The following TCF4 variants were observed in gnomAD, a reference collection of about 807,000 sequenced individuals.
TCF4 encodes the protein SL3-3 enhancer factor 2.
TCF4 carries 3 observed loss-of-function variants against 82.1 expected under a neutral mutation model. The observed-to-expected ratio is 0.04, with a 90% CI of 0.02 to 0.09. The LOEUF (loss-of-function observed/expected upper bound fraction) is 0.09. Ranked by LOEUF, TCF4 falls within the 10% of genes least tolerant of loss-of-function variation. The pLI, the probability that TCF4 is intolerant of heterozygous loss-of-function variation, is 1.00. For missense variants in TCF4, 518 were observed against 852.7 expected, an observed-to-expected ratio of 0.61 and a Z score of 4.89; for synonymous variants, 276 against 309.6, an observed-to-expected ratio of 0.89 and a Z score of 1.14.
intron 2 of TCF4, among the ~76,000 whole-genome samples, chr18:55,626,092 C>G (rs2097726301): frequency 6.6e-6 from 1 of 152,138 alleles, no homozygotes; most frequent in Non-Finnish European, 1.5e-5. Context: ...ATGTGTTGTA[C>G]TATTTTATGG....
intron 8 of TCF4, among the ~76,000 whole-genome samples, chr18:55,333,286 T>C (rs2077953646): frequency 6.6e-6 from 1 of 151,862 alleles, no homozygotes; most frequent in South Asian, 2.1e-4. Context: ...CTATACAGAG[T>C]TGTCTGTAAA....
At chr18:55,307,967 T>C (rs528139079) in intron 8 of TCF4, among the ~76,000 whole-genome samples, 1 of 152,364 alleles carries the variant, frequency 6.6e-6, no homozygotes, top group Non-Finnish European at 1.5e-5. Flanking sequence ...GCTAGCCCAT[T>C]CATCTGTTGC....
chr18:55,349,006 C>T (rs973199907), intron 8 of TCF4, among the ~76,000 whole-genome samples: 1 of 152,130 alleles, frequency 6.6e-6, no homozygotes, highest in Non-Finnish European at 1.5e-5. Context: ...CCACCCCTAA[C>T]TTCAAGCTTA....
chr18:55,319,734 G>C (rs1392484096), intron 8 of TCF4, among the ~76,000 whole-genome samples: 1 of 151,930 alleles, frequency 6.6e-6, no homozygotes, highest in South Asian at 2.1e-4. Flanking sequence ...GGGCATATTA[G>C]TGATATGATG....
rs1054033285 is a variant in TCF4 at position 55,464,126 on chromosome 18, T to C, written c.157A>G (p.Arg53Gly). ...GHFTGSNVED[R>G]SSSGSWGNGG... ...TTCCCCCAGGACCCTGAGCTACTTC[T>C]GTCTTCTACATCTAGGGACAAGAGA... Residue 53 changes from arginine to glycine, a missense_variant, in exon 4 of 20, where the codon AGA (arginine) becomes GGA (glycine). Transcript: ENST00000354452. The C allele has an allele frequency of 6.2e-7, 1 of 1,614,122 alleles. No individual in the cohort carries two copies. The highest frequency in any genetic ancestry group is 8.5e-7 in the Non-Finnish European group (1 of 1,179,946).
At chr18:55,578,083 T>C (rs1301818539) in intron 3 of TCF4, among the ~76,000 whole-genome samples, 1 of 152,146 alleles carries the variant, frequency 6.6e-6, no homozygotes, top group Non-Finnish European at 1.5e-5. Context: ...ATTACAGCCC[T>C]GATATTTAAT....
chr18:55,302,472 G>A (rs1483477792), intron 8 of TCF4: 2 of 1,536,094 alleles, frequency 1.3e-6, no homozygotes, highest in African/African-American at 2.7e-5. Context: ...CATCTGCATT[G>A]TTTAAATTTC....
chr18:55,267,047 T>C (rs1027057926), intron 11 of TCF4: 3 of 152,138 alleles, frequency 2.0e-5, no homozygotes, highest in Non-Finnish European at 2.9e-5. Flanking sequence ...ATCAACACCA[T>C]GTATGAAAAG....
At chr18:55,573,663 A>G (rs2097499258) in intron 3 of TCF4, among the ~76,000 whole-genome samples, 1 of 152,104 alleles carries the variant, frequency 6.6e-6, no homozygotes, top group African/African-American at 2.4e-5. Flanking sequence ...CATCTGTAAG[A>G]CCACAGTTCA....
At chr18:55,336,669 G>A (rs2078708305) in intron 8 of TCF4, among the ~76,000 whole-genome samples, 1 of 152,098 alleles carries the variant, frequency 6.6e-6, no homozygotes, top group East Asian at 1.9e-4. Context: ...ATTATGAATA[G>A]TAAATGATTT....
At chr18:55,494,400 TAG>T (rs2096610112) in intron 3 of TCF4, among the ~76,000 whole-genome samples, 1 of 151,988 alleles carries the variant, frequency 6.6e-6, no homozygotes, top group African/African-American at 2.4e-5. Context: ...CTCAGCTAAA[TAG>T]AGAGTCTTTT....
At chr18:55,441,430 CAGATA>C (rs536459750) in intron 5 of TCF4, among the ~76,000 whole-genome samples, 3 of 152,302 alleles carry the variant, frequency 2.0e-5, no homozygotes, top group Admixed American at 2.0e-4. Context: ...TTAACATACG[CAGATA>C]AATCACATTC....
intron 3 of TCF4, among the ~76,000 whole-genome samples, chr18:55,523,303 A>G (rs2096948769): frequency 6.6e-6 from 1 of 152,074 alleles, no homozygotes; most frequent in Admixed American, 6.5e-5. Flanking sequence ...AACTGACCCA[A>G]GAAAACAAAG....
chr18:55,582,450 A>G lies in TCF4; in HGVS notation c.145+2830T>C, dbSNP rs565571898. On this transcript the variant is annotated intron_variant, in intron 3 of 19. Coordinates refer to ENST00000354452, the MANE Select transcript of TCF4 (RefSeq NM_001083962.2). Reference sequence around the variant, plus strand: ...TTAGTGCTTTCTGCTGAACACCTGCAAACATCAAACAAAAACTGCTAGTCC... The same window carrying G: ...TTAGTGCTTTCTGCTGAACACCTGCGAACATCAAACAAAAACTGCTAGTCC... Among the ~76,000 whole-genome samples, 15 of 152,248 alleles carry G rather than the reference A, an allele frequency of 9.9e-5. No homozygotes were observed. In the South Asian group the frequency reaches 2.3e-3, roughly 23 times the overall value.
intron 5 of TCF4, among the ~76,000 whole-genome samples, chr18:55,431,655 G>C (rs1024437130): frequency 6.6e-6 from 1 of 152,120 alleles, no homozygotes; most frequent in African/African-American, 2.4e-5. Flanking sequence ...CTGACTGAAC[G>C]GTGAAGACTT....
At chr18:55,269,518 T>C (rs187227875) in intron 11 of TCF4, 75 of 389,436 alleles carry the variant, frequency 1.9e-4, no homozygotes, top group Admixed American at 1.2e-3. Context: ...TAGTCACTGA[T>C]GGCTCATCTT....
Position 55,391,697 on chromosome 18 carries a change from C to A in TCF4, c.369+11757G>T, listed in dbSNP as rs9947144. On this transcript the variant is annotated intron_variant, in intron 6 of 19. Coordinates refer to ENST00000354452, the MANE Select transcript of TCF4 (RefSeq NM_001083962.2). ...CCTGTAATCCCAGCACTTTGGGAGG[C>A]CGAGGTGGGCGGATCACTTGAGGTC... Among the ~76,000 whole-genome samples, 1,295 of 151,850 alleles carry A rather than the reference C, an allele frequency of 8.5e-3. 16 individuals are homozygous for A. The highest frequency in any genetic ancestry group is 0.037 in the Middle Eastern group (11 of 294).
intron 8 of TCF4, among the ~76,000 whole-genome samples, chr18:55,330,011 C>T (rs986676417): frequency 6.6e-5 from 10 of 152,106 alleles, no homozygotes; most frequent in African/African-American, 2.2e-4. Flanking sequence ...GAACTGAATG[C>T]CACATTCTTT....
Position 55,632,435 on chromosome 18 carries a change from A to C in TCF4, c.196-1047T>G, listed in dbSNP as rs540963082. On this transcript the variant is annotated intron_variant, in intron 1 of 20. Coordinates refer to the TCF4 transcript ENST00000398339. Reference sequence around the variant, plus strand: ...GGAATAGAGACAAGAATCAAAAGGCAATATTCAGGGAGACGATGGAGTTTT... The same window carrying C: ...GGAATAGAGACAAGAATCAAAAGGCCATATTCAGGGAGACGATGGAGTTTT... Among the ~76,000 whole-genome samples, 15 of 152,346 alleles carry C rather than the reference A, an allele frequency of 9.8e-5. No homozygotes were observed. The South Asian group carries it at 2.3e-3, about 23-fold the overall frequency.
Sources: allele counts gnomAD v4.1 joint callset (sites outside exome capture counted in the v4.1 genomes callset), GRCh38; gene constraint gnomAD v4.1.1; transcripts MANE v1.5; gene names NCBI Gene and HGNC (gene_info 2026-07-23, HGNC 2026-07-21).